NCOR1: variants seen among roughly 807,000 people sequenced by gnomAD.
NCOR1 encodes the protein nuclear receptor corepressor 1, also known as protein phosphatase 1, regulatory subunit 109.
Under a neutral mutation model 288.1 loss-of-function variants are expected in NCOR1, and 63 were observed. The ratio of observed to expected loss-of-function variants is 0.22; its 90% confidence interval spans 0.18 to 0.27. NCOR1 has a LOEUF of 0.27. NCOR1 is among the 10% of genes least tolerant of loss of function. The pLI is 1.00. For missense variants in NCOR1, 2,397 were observed against 3,019.2 expected (o/e 0.79, Z 4.83); for synonymous variants, 1,007 against 1,065.9 (o/e 0.94, Z 1.08).
chr17:16,090,533 A>G (rs930372957), intron 22 of NCOR1, among the ~76,000 whole-genome samples: 3 of 152,192 alleles, frequency 2.0e-5, no homozygotes, highest in African/African-American at 4.8e-5. Context: ...TACTGAGTAC[A>G]TGTTGTGTCA....
rs1436229676 is a variant in NCOR1 at position 16,119,469 on chromosome 17, C to T, written c.1869G>A (p.Val623=). 1 of 1,609,256 alleles carries T rather than the reference C, an allele frequency of 6.2e-7. No individual in the cohort carries two copies. Among genetic ancestry groups the T allele is most frequent in the Non-Finnish European group, 8.5e-7 (1 of 1,177,658 alleles). ...CTTCTTCTGTCCATCGAGAGGTCTC[C>T]ACAGGCTCTGTAGAAACTAAAATAA... ...PPPEPISTEP[V]ETSRWTEEEM... is the part of the protein sequence containing the mutation. Residue 623 remains valine (V), a synonymous_variant, in exon 17 of 46, where the codon GTG becomes GTA. Coordinates refer to ENST00000268712, the MANE Select transcript of NCOR1 (RefSeq NM_006311.4).
chr17:16,130,614 T>C (rs1304510192), intron 14 of NCOR1, among the ~76,000 whole-genome samples: 2 of 152,246 alleles, frequency 1.3e-5, no homozygotes, highest in Non-Finnish European at 2.9e-5. Context: ...ATGAATATTC[T>C]AGAACACATA....
chr17:16,159,061 A>C (rs1048184811), intron 5 of NCOR1, among the ~76,000 whole-genome samples, 188 bp from the exon 6 acceptor site: 2 of 147,976 alleles, frequency 1.4e-5, no homozygotes, highest in Admixed American at 6.8e-5. Context: ...TAACCAAACA[A>C]CACAAATTTT....
chr17:16,039,728 A>G (rs1740414090), intron 43 of NCOR1, 74 bp from the exon 44 acceptor site: 13 of 1,311,610 alleles, frequency 9.9e-6, no homozygotes, highest in Non-Finnish European at 1.4e-5. Flanking sequence ...TTGCCCCATC[A>G]GCCCACTGAA....
At chr17:16,104,747 T>C (rs1025522797) in intron 19 of NCOR1, among the ~76,000 whole-genome samples, 4 of 152,188 alleles carry the variant, frequency 2.6e-5, no homozygotes, top group African/African-American at 7.2e-5. Flanking sequence ...ACTTCAGCGC[T>C]GGGTTAACAG....
rs1215034030 is a variant in NCOR1 at position 16,030,327 on chromosome 17, A to G, written c.*1969T>C. The G allele has an allele frequency of 1.3e-5, 3 of 223,782 alleles. No individual in the cohort carries two copies. Among genetic ancestry groups the G allele is most frequent in the East Asian group, 1.3e-4 (2 of 15,538 alleles). The allele number at this position is 223,782 out of a possible 1,614,324, so 13.9% of individuals were successfully genotyped here. A position where few individuals can be genotyped will look rare whatever the true frequency, so the allele number is the denominator to read the frequency against. On this transcript the variant is annotated 3_prime_UTR_variant, in exon 46 of 46. Transcript: ENST00000268712. ...GGCAGAGGTGGAAGAAAATCCATGT[A>G]TAAGTGGACCCACACAGTTCAAACC...
chr17:16,066,436 G>A (rs1445302199), intron 32 of NCOR1, among the ~76,000 whole-genome samples: 1 of 151,650 alleles, frequency 6.6e-6, no homozygotes, highest in Admixed American at 6.6e-5. Context: ...GTAAAAAGTA[G>A]ATAATGTCTC....
chr17:16,029,306 A>C lies in NCOR1; in HGVS notation c.*2990T>G. ...CAGTTCATTTACACTGTTGTAAAAT[A>C]AGGTACTGAAGCAAAAGGAGGACTG... is the stretch of plus-strand genomic sequence containing the variant. On this transcript the variant is annotated 3_prime_UTR_variant, in exon 46 of 46. Coordinates refer to ENST00000268712, the MANE Select transcript of NCOR1 (RefSeq NM_006311.4). The C allele has an allele frequency of 2.2e-6, 1 of 447,212 alleles. No homozygotes were observed. Among genetic ancestry groups the C allele is most frequent in the South Asian group, 1.6e-5 (1 of 62,128 alleles). The allele number at this position is 447,212 out of a possible 1,614,324, so 27.7% of individuals were successfully genotyped here. A position where few individuals can be genotyped will look rare whatever the true frequency, so the allele number is the denominator to read the frequency against.
intron 6 of NCOR1, among the ~76,000 whole-genome samples, chr17:16,155,118 T>C (rs1357528300): frequency 6.6e-6 from 1 of 151,958 alleles, no homozygotes; most frequent in Non-Finnish European, 1.5e-5. Flanking sequence ...TTGGGAGGCC[T>C]AGGTAGGTGG....
At chr17:16,054,070 T>TAAAAAAA (rs752015595) in intron 40 of NCOR1, among the ~76,000 whole-genome samples, 50 of 71,892 alleles carry the variant, frequency 7.0e-4, no homozygotes, top group East Asian at 1.5e-3. Flanking sequence ...GACTTAAATG[T>TAAAAAAA]AAAAAAAAAA....
rs950702311 is a variant in NCOR1, at chr17:16,154,837, T to A, written c.733-1442A>T. ...ATGAAGGCTCAAATTAAGCTAATGA[T>A]AAAGGTAGAGGAAAGAAGCGTAAGA... On this transcript the variant is annotated intron_variant, in intron 6 of 45. Coordinates refer to ENST00000268712, the MANE Select transcript of NCOR1 (RefSeq NM_006311.4). Among the ~76,000 whole-genome samples the A allele has an allele frequency of 3.3e-5, 5 of 152,166 alleles. No homozygotes were observed. In the East Asian group the frequency reaches 9.7e-4, roughly 29 times the overall value.
chr17:16,086,514 C>A, intron 22 of NCOR1, 72 bp from the exon 23 acceptor site: 2 of 1,342,124 alleles, frequency 1.5e-6, no homozygotes, highest in South Asian at 1.4e-5. Context: ...CTCTCTCAGT[C>A]ATTCCTGAAT....
chr17:16,033,558 A>C (rs1972975717), intron 45 of NCOR1, among the ~76,000 whole-genome samples: 1 of 152,108 alleles, frequency 6.6e-6, no homozygotes, highest in Non-Finnish European at 1.5e-5. Context: ...AGGGAAGGGC[A>C]CATTTCAGAT....
chr17:16,183,256 AAAAG>A (rs2085911135), intron 3 of NCOR1, among the ~76,000 whole-genome samples: 1 of 151,034 alleles, frequency 6.6e-6, no homozygotes, highest in South Asian at 2.1e-4. Flanking sequence ...GAAAAGAAAA[AAAAG>A]AAAAGAAATA....
At chr17:16,208,752 C>T (rs1468308369) in intron 1 of NCOR1, among the ~76,000 whole-genome samples, 3 of 151,908 alleles carry the variant, frequency 2.0e-5, no homozygotes, top group East Asian at 1.9e-4. Flanking sequence ...AGAAGAACCG[C>T]GTGAGCCCAG....
chr17:16,062,288 A>C lies in NCOR1; in HGVS notation c.5222-18T>G, dbSNP rs1311076760. ...TTCTGAGCCTGCAGAGGTGAAAAAG[A>C]GAAAGAAACAAAGACATAAGGAGGA... On this transcript the variant is annotated intron_variant, in intron 35 of 45. Transcript: ENST00000268712. The C allele has an allele frequency of 3.8e-6, 6 of 1,572,200 alleles. No individual in the cohort carries two copies. The East Asian group carries it at 1.4e-4, about 36-fold the overall frequency.
At position 16,136,797 on chromosome 17, in the gene NCOR1, A is replaced by C. The variant is rs1599224443; in HGVS notation, c.1509+514T>G. On this transcript the variant is annotated intron_variant, in intron 14 of 45. Coordinates refer to ENST00000268712, the MANE Select transcript of NCOR1 (RefSeq NM_006311.4). Reference sequence around the variant, plus strand: ...ACTCCAGCCTGGGCGACAGAGCGAGACTCTGTTTCAAAAAAAAAAAAAAAA... The same window carrying C: ...ACTCCAGCCTGGGCGACAGAGCGAGCCTCTGTTTCAAAAAAAAAAAAAAAA... Among the ~76,000 whole-genome samples the C allele has an allele frequency of 2.3e-5, 3 of 129,770 alleles. No homozygotes were observed. In the South Asian group the frequency reaches 7.4e-4, roughly 32 times the overall value. 85.1% of individuals were successfully genotyped at this position (129,770 alleles called of 152,430 possible).
intron 14 of NCOR1, among the ~76,000 whole-genome samples, chr17:16,133,189 G>A (rs974779859): frequency 6.6e-6 from 1 of 152,068 alleles, no homozygotes; most frequent in East Asian, 1.9e-4. Context: ...GGCTGGTCTC[G>A]AATTCCTGAC....
chr17:16,055,744 C>T (rs1293888661), intron 40 of NCOR1, among the ~76,000 whole-genome samples: 3 of 152,208 alleles, frequency 2.0e-5, no homozygotes, highest in African/African-American at 7.2e-5. Context: ...ATTGTGCAAA[C>T]ATTTTCATCA....
Sources: gnomAD v4.1 joint callset for allele counts (sites outside exome capture counted in the v4.1 genomes callset) on GRCh38, gnomAD v4.1.1 for gene constraint, MANE v1.5 for transcripts, NCBI Gene and HGNC (gene_info 2026-07-23, HGNC 2026-07-21) for gene names.